Variants in KCNJ4 observed in about 807,000 individuals in gnomAD.
KCNJ4 encodes inward rectifier potassium channel 4.
In KCNJ4, 3 loss-of-function variants were observed where a neutral mutation model predicts 25.6. The ratio of observed to expected loss-of-function variants is 0.12; its 90% CI spans 0.05 to 0.30. The LOEUF (loss-of-function observed/expected upper bound fraction) is 0.30. KCNJ4 is among the 10% of genes least tolerant of loss of function. The pLI is 1.00. For missense variants in KCNJ4, 286 were observed against 666.8 expected (o/e 0.43, Z 6.29); for synonymous variants, 257 against 283.9 (o/e 0.91, Z 0.95).
At chr22:38,439,787 A>G (rs77385906) in intron 1 of KCNJ4, among the ~76,000 whole-genome samples, 3,411 of 145,046 alleles carry the variant, frequency 0.024, 95 homozygotes, top group East Asian at 0.12. Flanking sequence ...AAAAAAAAAA[A>G]AAAAAGAAAT....
rs558761197 is a variant in KCNJ4, at chr22:38,444,749, G to C, written c.-40+10231C>G. Among the ~76,000 whole-genome samples, 9 of 152,344 alleles carry C rather than the reference G, an allele frequency of 5.9e-5. No homozygotes were observed. In the South Asian group the frequency reaches 1.9e-3, roughly 32 times the overall value. The stretch of plus-strand genomic sequence containing the variant: ...CTGACAGAACGCCTGCCATGGGGGG[G>C]GCCACGGGCTGCATGCCCCTCTTTA... On this transcript the variant is annotated intron_variant, in intron 1 of 1. Coordinates refer to ENST00000303592, the MANE Select transcript of KCNJ4 (RefSeq NM_152868.3).
chr22:38,426,954 C>A lies in KCNJ4; in HGVS notation c.1179G>T (p.Ala393=), dbSNP rs56135829. The A allele has an allele frequency of 1.6e-5, 26 of 1,612,478 alleles. No individual in the cohort carries two copies. Among genetic ancestry groups the A allele is most frequent in the Non-Finnish European group, 2.0e-5 (24 of 1,179,802 alleles). The change falls in exon 2 of 2, where the codon GCG becomes GCT. Residue 393 remains alanine (A), a synonymous_variant. Transcript: ENST00000303592. ...EEEEMEEEAA[A]AAAVAAGLGL... ...CCAGGCCTGCGGCCACCGCGGCCGC[C>A]GCAGCTGCCTCCTCCTCCATCTCCT...
rs23078 is a variant in KCNJ4 at position 38,428,299 on chromosome 22, C to T, written c.-39-128G>A. ...CCAGGACCTAAGACTTCCTCTGCCC[C>T]GGCAGGCGGAGGGTGGCAGCAGAGG... is the stretch of plus-strand genomic sequence containing the variant. On this transcript the variant is annotated intron_variant, in intron 1 of 1. Transcript: ENST00000303592. 0.03 allele frequency: 26,282 copies of T among 866,934 alleles called. 1,125 individuals carry two copies. The highest frequency in any genetic ancestry group is 0.17 in the African/African-American group (10,057 of 59,204). 53.7% of individuals were successfully genotyped at this position (866,934 alleles called of 1,614,324 possible). A position where few individuals can be genotyped will look rare whatever the true frequency, so the allele number is the denominator to read the frequency against.
chr22:38,444,734 G>A (rs1033717160), intron 1 of KCNJ4, among the ~76,000 whole-genome samples: 5 of 152,318 alleles, frequency 3.3e-5, no homozygotes, highest in African/African-American at 4.8e-5. Context: ...CTGACAGAAC[G>A]CCTGCCATGG....
intron 1 of KCNJ4, among the ~76,000 whole-genome samples, chr22:38,452,610 CAGAAG>C (rs2089416699): frequency 6.6e-6 from 1 of 152,176 alleles, no homozygotes; most frequent in African/African-American, 2.4e-5. Flanking sequence ...GTGCCAATCT[CAGAAG>C]AGAGACGACA....
intron 1 of KCNJ4, among the ~76,000 whole-genome samples, chr22:38,442,176 T>C (rs1377946352): frequency 1.3e-5 from 2 of 152,102 alleles, no homozygotes; most frequent in African/African-American, 4.8e-5. Flanking sequence ...ACCGTATGAA[T>C]GTATTACCTG....
intron 1 of KCNJ4, among the ~76,000 whole-genome samples, chr22:38,429,876 C>T (rs866534306): frequency 6.6e-6 from 1 of 152,208 alleles, no homozygotes; most frequent in Non-Finnish European, 1.5e-5. Flanking sequence ...TCTTCCTGAT[C>T]TAATTGTGCA....
At chr22:38,445,096 T>A (rs1796758280) in intron 1 of KCNJ4, among the ~76,000 whole-genome samples, 1 of 151,784 alleles carries the variant, frequency 6.6e-6, no homozygotes, top group Admixed American at 6.6e-5. Flanking sequence ...TGAAAGGGCA[T>A]AAAGAGAAGG....
At chr22:38,439,056 G>A (rs2089313636) in intron 1 of KCNJ4, among the ~76,000 whole-genome samples, 1 of 152,168 alleles carries the variant, frequency 6.6e-6, no homozygotes, top group Non-Finnish European at 1.5e-5. Context: ...GACCATGCTG[G>A]GCAACATGGT....
At chr22:38,452,727 C>T (rs140109188) in intron 1 of KCNJ4, among the ~76,000 whole-genome samples, 1 of 152,124 alleles carries the variant, frequency 6.6e-6, no homozygotes, top group Non-Finnish European at 1.5e-5. Context: ...GAGCCCCCTG[C>T]CCTACAGCCC....
Position 38,427,491 on chromosome 22 carries a change from A to G in KCNJ4, c.642T>C (p.Ile214=), listed in dbSNP as rs138672875. 4.1e-5 allele frequency: 66 copies of G among 1,611,900 alleles called. No homozygotes were observed. Among genetic ancestry groups the G allele is most frequent in the Admixed American group, 2.3e-4 (14 of 59,960 alleles). Residue 214 remains isoleucine (I), a synonymous_variant, in exon 2 of 2, where the codon ATT becomes ATC. Coordinates refer to ENST00000303592, the MANE Select transcript of KCNJ4 (RefSeq NM_152868.3). The part of the protein sequence containing the change: ...WRVGNLRKSH[I]VEAHVRAQLI... ...GCTGGGCCCGCACGTGGGCCTCCAC[A>G]ATGTGGCTCTTGCGCAGGTTGCCCA...
chr22:38,450,151 GAGA>G lies in KCNJ4; in HGVS notation c.-40+4826_-40+4828del, dbSNP rs2089401824. ...ACAGGAGAAAAATAAAGATGAAAAGGAGAAGAAGGGCTGTGACTGGCGATCCCC... is the reference window on the plus strand; with the variant it reads ...ACAGGAGAAAAATAAAGATGAAAAGGAGAAGGGCTGTGACTGGCGATCCCC... On this transcript the variant is annotated intron_variant, in intron 1 of 1. Coordinates refer to ENST00000303592, the MANE Select transcript of KCNJ4 (RefSeq NM_152868.3). Among the ~76,000 whole-genome samples, 2 of 152,206 alleles carry G rather than the reference GAGA, an allele frequency of 1.3e-5. 1 individual carries two copies. Among genetic ancestry groups the G allele is most frequent in the South Asian group, 4.1e-4 (2 of 4,832 alleles).
chr22:38,436,041 C>G (rs978849808), intron 1 of KCNJ4, among the ~76,000 whole-genome samples: 1 of 152,192 alleles, frequency 6.6e-6, no homozygotes, highest in Non-Finnish European at 1.5e-5. Context: ...TCAGGAACCC[C>G]CCGCCTGGTG....
intron 1 of KCNJ4, among the ~76,000 whole-genome samples, chr22:38,441,475 C>T (rs1422064690): frequency 6.6e-6 from 1 of 152,122 alleles, no homozygotes; most frequent in Non-Finnish European, 1.5e-5. Flanking sequence ...GCTGCTGCCC[C>T]ATCCCATTGC....
intron 1 of KCNJ4, among the ~76,000 whole-genome samples, chr22:38,439,675 T>C (rs961424249): frequency 4.1e-5 from 6 of 145,976 alleles, no homozygotes; most frequent in Non-Finnish European, 8.9e-5. Context: ...CTCGGGAGGC[T>C]GAGGCAGGAG....
intron 1 of KCNJ4, among the ~76,000 whole-genome samples, chr22:38,437,020 C>T (rs1474810323): frequency 6.6e-6 from 1 of 152,200 alleles, no homozygotes; most frequent in Non-Finnish European, 1.5e-5. Context: ...AACTGGATCA[C>T]AGGGCAAGTT....
chr22:38,453,224 C>G (rs1221103134), intron 1 of KCNJ4, among the ~76,000 whole-genome samples: 1 of 152,118 alleles, frequency 6.6e-6, no homozygotes, highest in Non-Finnish European at 1.5e-5. Flanking sequence ...ACAGACCTGA[C>G]ACAGTCTGGA....
At chr22:38,440,928 G>C (rs1034566786) in intron 1 of KCNJ4, among the ~76,000 whole-genome samples, 6 of 152,194 alleles carry the variant, frequency 3.9e-5, no homozygotes, top group African/African-American at 1.4e-4. Flanking sequence ...GTCAGATCCC[G>C]AGCCTCCAGA....
intron 1 of KCNJ4, among the ~76,000 whole-genome samples, chr22:38,431,545 C>A (rs551447931): frequency 6.6e-6 from 1 of 152,342 alleles, no homozygotes; most frequent in South Asian, 2.1e-4. Context: ...TGGGCCCTGT[C>A]TTGGGTTCCC....
Sources: allele counts gnomAD v4.1 joint callset (sites outside exome capture counted in the v4.1 genomes callset), GRCh38; gene constraint gnomAD v4.1.1; transcripts MANE v1.5; gene names NCBI Gene and HGNC (gene_info 2026-07-23, HGNC 2026-07-21).